The following CACNA2D1 variants were observed in gnomAD, a reference collection of about 807,000 sequenced individuals.
CACNA2D1 encodes calcium voltage-gated channel auxiliary subunit alpha2delta 1, also known as voltage-dependent calcium channel subunit alpha-2/delta-1.
CACNA2D1 carries 53 observed loss-of-function variants against 171.5 expected under a neutral mutation model. That is an observed-to-expected ratio of 0.31 (90% confidence interval 0.25 to 0.39). CACNA2D1 has a LOEUF of 0.39. Ranked by LOEUF, CACNA2D1 falls within the 10% of genes least tolerant of loss-of-function variation. The pLI, the probability that CACNA2D1 is intolerant of heterozygous loss-of-function variation, is 1.00. For synonymous variants in CACNA2D1, 442 were observed against 443.1 expected (o/e 1.00, Z 0.03); for missense variants, 903 against 1,299.8 (o/e 0.69, Z 4.69).
chr7:82,406,700 A>T (rs1229835635), intron 1 of CACNA2D1, among the ~76,000 whole-genome samples: 1 of 152,186 alleles, frequency 6.6e-6, no homozygotes, highest in Non-Finnish European at 1.5e-5. Flanking sequence ...TCTTTTGAGA[A>T]GTGTCTGTTC....
chr7:82,035,726 TAAG>T (rs1462813593), intron 11 of CACNA2D1, among the ~76,000 whole-genome samples: 1 of 152,202 alleles, frequency 6.6e-6, no homozygotes, highest in East Asian at 1.9e-4. Context: ...AAAAAAATAC[TAAG>T]AAGAATAATT....
At chr7:82,055,947 T>TATATATATATATATATATATATAA (rs148921902) in intron 10 of CACNA2D1, among the ~76,000 whole-genome samples, 1 of 130,392 alleles carries the variant, frequency 7.7e-6, no homozygotes, top group Non-Finnish European at 1.6e-5. Flanking sequence ...TATATATATA[T>TATATATATATATATATATATATAA]AATTTTTTAA....
chr7:81,991,898 G>C (rs1797575957), intron 20 of CACNA2D1, among the ~76,000 whole-genome samples: 1 of 149,054 alleles, frequency 6.7e-6, no homozygotes, highest in South Asian at 2.1e-4. Context: ...GCAGCGGTGT[G>C]ATCTCGGCTC....
intron 20 of CACNA2D1, 24 bp from the exon 21 acceptor site, chr7:81,991,270 AT>A: frequency 1.7e-6 from 2 of 1,189,816 alleles, no homozygotes; most frequent in Non-Finnish European, 2.5e-6. Flanking sequence ...TAACGTGGTT[AT>A]TATCACTTTA....
chr7:81,969,509 A>G (rs1795046606), intron 28 of CACNA2D1, among the ~76,000 whole-genome samples: 1 of 151,318 alleles, frequency 6.6e-6, no homozygotes, highest in African/African-American at 2.4e-5. Flanking sequence ...TTAATTGTAT[A>G]ATTATATTTT....
intron 12 of CACNA2D1, 93 bp from the exon 13 acceptor site, chr7:82,014,572 C>G: frequency 5.4e-6 from 4 of 745,700 alleles, no homozygotes; most frequent in Non-Finnish European, 4.8e-6. Flanking sequence ...GAAAAGAGTG[C>G]TTTCCAGTTG....
chr7:82,372,421 C>T (rs1822515509), intron 1 of CACNA2D1, among the ~76,000 whole-genome samples: 1 of 152,002 alleles, frequency 6.6e-6, no homozygotes, highest in Non-Finnish European at 1.5e-5. Context: ...GTAATTTTAA[C>T]ATAAATATTC....
chr7:82,231,334 T>G (rs1328039165), intron 3 of CACNA2D1, among the ~76,000 whole-genome samples: 1 of 152,212 alleles, frequency 6.6e-6, no homozygotes, highest in South Asian at 2.1e-4. Context: ...TGAATGTTGC[T>G]ACTATAAGGC....
At chr7:82,104,445 C>G (rs1813070243) in intron 6 of CACNA2D1, among the ~76,000 whole-genome samples, 1 of 151,862 alleles carries the variant, frequency 6.6e-6, no homozygotes. Context: ...ACATTACAGT[C>G]CTTTGAGGTA....
At chr7:82,183,791 G>A (rs1007933886) in intron 3 of CACNA2D1, among the ~76,000 whole-genome samples, 6 of 152,066 alleles carry the variant, frequency 3.9e-5, no homozygotes, top group Non-Finnish European at 7.4e-5. Flanking sequence ...TGTGGTCAAC[G>A]TACGTTACGC....
At chr7:82,187,648 C>T (rs12535565) in intron 3 of CACNA2D1, among the ~76,000 whole-genome samples, 60,346 of 151,988 alleles carry the variant, frequency 0.4, 13,190 homozygotes, top group Non-Finnish European at 0.49. Flanking sequence ...AATCAGTCAA[C>T]TTGGTTTAAT....
intron 12 of CACNA2D1, chr7:82,027,529 T>G (rs1802085837): frequency 6.6e-6 from 1 of 151,746 alleles, no homozygotes; most frequent in African/African-American, 2.4e-5. Context: ...TGTCTGAGTA[T>G]CCTTTCATTC....
intron 6 of CACNA2D1, 115 bp downstream of exon 6, chr7:82,116,929 T>C: frequency 8.7e-7 from 1 of 1,154,572 alleles, no homozygotes; most frequent in Non-Finnish European, 1.3e-6. Flanking sequence ...CACAGACTCT[T>C]ATATGACAAA....
rs562932636 is a variant in CACNA2D1, at chr7:82,257,982, T to C, written c.294+77153A>G. ...ATAGAAATAAAATAGAAGCAGTGATTGCTGGTGGAGGGAGACCCCAGTGTT... is the reference window on the plus strand; with the variant it reads ...ATAGAAATAAAATAGAAGCAGTGATCGCTGGTGGAGGGAGACCCCAGTGTT... On this transcript the variant is annotated intron_variant, in intron 3 of 38. Transcript: ENST00000356860. Among the ~76,000 whole-genome samples, 438 of 152,274 alleles carry C rather than the reference T, an allele frequency of 2.9e-3. 1 individual carries two copies. Among genetic ancestry groups the C allele is most frequent in the Non-Finnish European group, 3.9e-3 (268 of 68,018 alleles).
At chr7:82,304,061 A>G (rs1196172512) in intron 3 of CACNA2D1, among the ~76,000 whole-genome samples, 1 of 151,376 alleles carries the variant, frequency 6.6e-6, no homozygotes, top group African/African-American at 2.4e-5. Flanking sequence ...AAAAGGAGAC[A>G]TACAAATGGC....
intron 3 of CACNA2D1, among the ~76,000 whole-genome samples, chr7:82,231,556 G>A (rs1051115978): frequency 2.0e-5 from 3 of 152,020 alleles, no homozygotes; most frequent in Admixed American, 6.6e-5. Flanking sequence ...CCTCAATTTT[G>A]TAGATTTTTC....
intron 1 of CACNA2D1, among the ~76,000 whole-genome samples, chr7:82,426,185 A>T (rs965934135): frequency 1.9e-4 from 27 of 142,098 alleles, no homozygotes; most frequent in African/African-American, 4.9e-4. Flanking sequence ...ATAAATACAT[A>T]AATTCTATTT....
intron 1 of CACNA2D1, among the ~76,000 whole-genome samples, chr7:82,389,148 T>TA (rs1824784981): frequency 7.1e-6 from 1 of 141,578 alleles, no homozygotes; most frequent in East Asian, 2.0e-4. Context: ...ATATATATAT[T>TA]TATATATATA....
chr7:82,160,347 GA>G (rs971511878), intron 4 of CACNA2D1, among the ~76,000 whole-genome samples: 7 of 151,376 alleles, frequency 4.6e-5, no homozygotes, highest in South Asian at 2.1e-4. Flanking sequence ...AAATTAAAAA[GA>G]AAAAAATTAA....
Sources: allele counts gnomAD v4.1 joint callset (sites outside exome capture counted in the v4.1 genomes callset), GRCh38; gene constraint gnomAD v4.1.1; transcripts MANE v1.5; gene names NCBI Gene and HGNC (gene_info 2026-07-23, HGNC 2026-07-21).